Variants in NKD2 observed in about 807,000 individuals in gnomAD.
The protein encoded by NKD2 is NKD inhibitor of Wnt signaling pathway 2, also known as protein naked cuticle homolog 2.
In NKD2, 43 loss-of-function variants were observed where a neutral mutation model predicts 34.8. That is an observed-to-expected ratio of 1.24 (90% CI 0.97 to 1.60). NKD2 has a LOEUF of 1.60. NKD2 is among the 40% of genes most tolerant of loss of function. NKD2 has a pLI of 0.00. For synonymous variants in NKD2, 278 were observed against 265.1 expected (o/e 1.05, Z -0.47); for missense variants, 675 against 627.1 (o/e 1.08, Z -0.82).
Position 1,009,108 on chromosome 5 carries a change from A to AGGGCGGGCGGGAGGGCGGGC in NKD2, c.25+37_25+38insAGGGCGGGCGGGCGGGCGGG. The stretch of plus-strand genomic sequence containing the variant: ...GTGAGCCGCGGGCCGGTAGGGCGGG[A>AGGGCGGGCGGGAGGGCGGGC]GGGCGGGCGGGCGGGCGTGGGGCCG... On this transcript the variant is annotated intron_variant, in intron 1 of 9. Coordinates refer to ENST00000296849, the MANE Select transcript of NKD2 (RefSeq NM_033120.4). This position sits in a 1 kb window ranked among gnomAD's most constrained non-coding sequence, Gnocchi z 6.9. 7.7e-6 allele frequency: 1 copy of AGGGCGGGCGGGAGGGCGGGC among 130,042 alleles called. No homozygotes were observed. Among genetic ancestry groups the AGGGCGGGCGGGAGGGCGGGC allele is most frequent in the East Asian group, 1.6e-4 (1 of 6,160 alleles). 8.1% of individuals were successfully genotyped at this position (130,042 alleles called of 1,614,324 possible).
chr5:1,036,502 A>ACCCCCCCC (rs1561001277), intron 9 of NKD2, 118 bp downstream of exon 9: 296 of 59,800 alleles, frequency 4.9e-3, no homozygotes, highest in East Asian at 0.017. Context: ...GCCCCCCCCC[A>ACCCCCCCC]ACCCCCCCCA....
intron 3 of NKD2, among the ~76,000 whole-genome samples, chr5:1,021,723 A>G (rs1756196439): frequency 1.3e-5 from 2 of 151,758 alleles, no homozygotes; most frequent in South Asian, 4.2e-4. Flanking sequence ...GGCCGGCAGA[A>G]GTGGGCCCCC....
At chr5:1,015,791 A>T (rs1755927979) in intron 3 of NKD2, among the ~76,000 whole-genome samples, 1 of 152,164 alleles carries the variant, frequency 6.6e-6, no homozygotes, top group South Asian at 2.1e-4. Flanking sequence ...GTCCTGGGGC[A>T]TTCATGCTGG....
intron 3 of NKD2, among the ~76,000 whole-genome samples, chr5:1,031,946 ACAC>A (rs1274801808): frequency 6.6e-6 from 1 of 152,308 alleles, no homozygotes; most frequent in East Asian, 1.9e-4. Flanking sequence ...GAACCTGACA[ACAC>A]AGGAATGTCT....
rs761775868 is a variant in NKD2 at position 1,034,751 on chromosome 5, C to A, written c.427-5C>A. On this transcript the variant is annotated splice_region_variant and splice_polypyrimidine_tract_variant and intron_variant, in intron 6 of 9. Coordinates refer to ENST00000296849, the MANE Select transcript of NKD2 (RefSeq NM_033120.4). ...TCTGTCAGTGAAACTGATGCCGGGCCCCAGGACATGTCCAGCCTCATGCAC... is the reference window on the plus strand; with the variant it reads ...TCTGTCAGTGAAACTGATGCCGGGCACCAGGACATGTCCAGCCTCATGCAC... The A allele has an allele frequency of 6.2e-7, 1 of 1,608,064 alleles. No individual in the cohort carries two copies. Among genetic ancestry groups the A allele is most frequent in the Admixed American group, 1.7e-5 (1 of 59,916 alleles).
At chr5:1,031,191 A>G (rs1034350974) in intron 3 of NKD2, among the ~76,000 whole-genome samples, 3 of 152,078 alleles carry the variant, frequency 2.0e-5, no homozygotes, top group Admixed American at 2.0e-4. Context: ...GCCCCATAGG[A>G]GGTCAGAAGA....
chr5:1,025,630 C>T (rs866527665), intron 3 of NKD2, among the ~76,000 whole-genome samples: 4 of 5,764 alleles, frequency 6.9e-4, no homozygotes, highest in Non-Finnish European at 1.8e-3. Flanking sequence ...TGTGGGCGTC[C>T]CAGCCCGTTG....
chr5:1,027,507 C>T (rs1204458270), intron 3 of NKD2, among the ~76,000 whole-genome samples: 2 of 152,212 alleles, frequency 1.3e-5, no homozygotes, highest in Non-Finnish European at 2.9e-5. Flanking sequence ...CGCTCCCTCT[C>T]CTCTGCCTCG....
intron 3 of NKD2, 99 bp from the exon 4 acceptor site, chr5:1,032,053 C>T (rs559010421): frequency 6.1e-5 from 56 of 922,164 alleles, no homozygotes; most frequent in African/African-American, 1.3e-4. Context: ...AGGCCTGAGG[C>T]GAGTGTCAGG....
rs1185725805 is a variant in NKD2 at position 1,035,463 on chromosome 5, G to T, written c.649G>T (p.Ala217Ser). The T allele has an allele frequency of 1.3e-6, 2 of 1,554,604 alleles. No homozygotes were observed. The highest frequency in any genetic ancestry group is 1.7e-6 in the Non-Finnish European group (2 of 1,148,964). Residue 217 changes from alanine to serine, a missense_variant, in exon 8 of 10, where the codon GCA (alanine) becomes TCA (serine). Transcript: ENST00000296849. ...AAGGGTGGCTGACAGGAGGTTGTCT[G>T]CACACGTCAGGTGAGGGCTGGGGTG... ...EPRVADRRLS[A>S]HVRRPSTDPQ...
chr5:1,037,637 GC>G (rs757817100), intron 9 of NKD2, 167 bp from the exon 10 acceptor site: 1 of 1,535,976 alleles, frequency 6.5e-7, no homozygotes, highest in South Asian at 1.2e-5. Context: ...CAGTGGCCAG[GC>G]CCCTTCCCTT....
In NKD2 at chr5:1,036,371, C is replaced by T. The variant is rs140180129; in HGVS notation, c.774C>T (p.Ser258=). Residue 258 remains serine (S), a synonymous_variant, in exon 9 of 10, where the codon TCC becomes TCT. Transcript: ENST00000296849. ...TCGCCGGGATTGAGAACTACACGTC[C>T]AGATTCGGCCCTGGTAGGTCCTGGA... The part of the protein sequence containing the change: ...LDLAGIENYT[S]RFGPGSPPVQ... 3.3e-5 allele frequency: 54 copies of T among 1,612,404 alleles called. No homozygotes were observed. Among genetic ancestry groups the T allele is most frequent in the Non-Finnish European group, 4.3e-5 (51 of 1,179,574 alleles).
intron 9 of NKD2, 128 bp downstream of exon 9, chr5:1,036,512 A>ACCCC: frequency 9.8e-6 from 3 of 306,890 alleles, no homozygotes; most frequent in East Asian, 4.5e-5. Flanking sequence ...AACCCCCCCC[A>ACCCC]CCCCACCCCA....
intron 3 of NKD2, among the ~76,000 whole-genome samples, chr5:1,010,716 A>C (rs1316470044): frequency 1.3e-5 from 2 of 152,288 alleles, no homozygotes; most frequent in Admixed American, 1.3e-4. Flanking sequence ...TGCCAGTTAC[A>C]TTTGCACAGG....
intron 3 of NKD2, among the ~76,000 whole-genome samples, chr5:1,020,570 G>T (rs1035001980): frequency 6.6e-6 from 1 of 152,012 alleles, no homozygotes; most frequent in African/African-American, 2.4e-5. Context: ...CGGTTAATGC[G>T]GGTAAAGTGC....
At chr5:1,031,211 C>T (rs1460234634) in intron 3 of NKD2, among the ~76,000 whole-genome samples, 1 of 152,104 alleles carries the variant, frequency 6.6e-6, no homozygotes, top group African/African-American at 2.4e-5. Flanking sequence ...AGATGAGGGG[C>T]ACATGACCCC....
intron 3 of NKD2, among the ~76,000 whole-genome samples, chr5:1,021,921 G>T (rs1756206184): frequency 6.6e-6 from 1 of 152,124 alleles, no homozygotes; most frequent in African/African-American, 2.4e-5. Context: ...CAGGCCCTCT[G>T]CCTGCTGCTC....
Position 1,038,415 on chromosome 5 carries a change from C to T in NKD2, c.*42C>T, listed in dbSNP as rs373815595. 3.3e-5 allele frequency: 50 copies of T among 1,535,594 alleles called. No individual in the cohort carries two copies. The highest frequency in any genetic ancestry group is 1.4e-4 in the Admixed American group (7 of 50,992). Reference sequence around the variant, plus strand: ...ACCTCGCTCCCAGCACACCACAGCCCGCGACCTCAGGGCAGGGAGCAGAGC... The same window carrying T: ...ACCTCGCTCCCAGCACACCACAGCCTGCGACCTCAGGGCAGGGAGCAGAGC... On this transcript the variant is annotated 3_prime_UTR_variant, in exon 10 of 10. Coordinates refer to ENST00000296849, the MANE Select transcript of NKD2 (RefSeq NM_033120.4). This position sits in a 1 kb window ranked among gnomAD's most constrained non-coding sequence, Gnocchi z 4.5.
chr5:1,035,668 AGTCT>A (rs1305967219), intron 8 of NKD2, 195 bp downstream of exon 8: 9 of 585,548 alleles, frequency 1.5e-5, no homozygotes, highest in East Asian at 2.9e-5. Context: ...TGGGCCCCCA[AGTCT>A]GTCTGAGCAG....
Sources: gnomAD v4.1 joint callset for allele counts (sites outside exome capture counted in the v4.1 genomes callset) on GRCh38, gnomAD v4.1.1 for gene constraint, Gnocchi (gnomAD v3.1) non-coding constraint, MANE v1.5 for transcripts, NCBI Gene and HGNC (gene_info 2026-07-23, HGNC 2026-07-21) for gene names.